Variants in PIH1D1 observed in about 807,000 individuals in gnomAD.
PIH1D1 encodes the protein PIH1 domain containing 1, also known as PIH1 domain-containing protein 1.
In PIH1D1, 28 loss-of-function variants were observed where a neutral mutation model predicts 38.5. The ratio of observed to expected loss-of-function variants is 0.73; its 90% CI spans 0.54 to 1.00. The LOEUF (loss-of-function observed/expected upper bound fraction) is 1.00, where lower values mean the gene tolerates loss of function less well. PIH1D1 is among the 50% of genes least tolerant of loss of function. The pLI, the probability that PIH1D1 is intolerant of heterozygous loss-of-function variation, is 0.00. For synonymous variants in PIH1D1, 155 were observed against 153.5 expected, an observed-to-expected ratio of 1.01 and a Z score of -0.07; for missense variants, 343 against 369.9, an observed-to-expected ratio of 0.93 and a Z score of 0.60.
At chr19:49,447,560 A>G (rs1205835248) in intron 5 of PIH1D1, 93 bp from the exon 6 acceptor site, 2 of 1,490,960 alleles carry the variant, frequency 1.3e-6, no homozygotes, top group Non-Finnish European at 1.8e-6. Flanking sequence ...CCGGCTCACC[A>G]GGACTCTTGG....
chr19:49,450,722 C>A, intron 2 of PIH1D1, 60 bp downstream of exon 2: 1 of 760,718 alleles, frequency 1.3e-6, no homozygotes, highest in Admixed American at 2.9e-5. Context: ...TCTTTCCTTC[C>A]TCCTCTCTCT....
chr19:49,451,031 T>C (rs866131425), intron 1 of PIH1D1, 183 bp from the exon 2 acceptor site: 83,398 of 948,924 alleles, frequency 0.088, 1,858 homozygotes, highest in Non-Finnish European at 0.099. Flanking sequence ...ATTTCTTTTT[T>C]TTTTTTTTTT....
chr19:49,449,007 C>T (rs763788731), intron 3 of PIH1D1: 2 of 318,822 alleles, frequency 6.3e-6, no homozygotes, highest in Non-Finnish European at 1.2e-5. Context: ...GCCAGGCCAA[C>T]GTGGCGAAAC....
chr19:49,447,652 A>T, intron 5 of PIH1D1, 175 bp downstream of exon 5: 1 of 922,138 alleles, frequency 1.1e-6, no homozygotes, highest in Non-Finnish European at 1.7e-6. Context: ...CCCCAATAAA[A>T]CCCACCCCTG....
chr19:49,447,767 G>C, intron 5 of PIH1D1, 60 bp downstream of exon 5: 1 of 1,526,978 alleles, frequency 6.5e-7, no homozygotes, highest in Non-Finnish European at 9.1e-7. Context: ...TCTCCTAGGG[G>C]TGTTCCCCAA....
In PIH1D1 at chr19:49,449,643, T is replaced by C; in HGVS notation, c.169A>G (p.Lys57Glu). 6.2e-7 allele frequency: 1 copy of C among 1,613,746 alleles called. No homozygotes were observed. The highest frequency in any genetic ancestry group is 8.5e-7 in the Non-Finnish European group (1 of 1,179,716). ...QIQPQPGFCI[K>E]TNSSEGKVFI... ...ACCTTCCCTTCCGAGGAGTTGGTCT[T>C]TATGCAGAAACCTGGTGGGAGTGGG... The change falls in exon 3 of 9, where the codon AAG (lysine) becomes GAG (glutamate). Residue 57 changes from lysine (K) to glutamate (E), a missense_variant. Physicochemically the swap from Lys to Glu is moderately conservative, Grantham distance 56. Transcript: ENST00000262265.
At position 49,449,491 on chromosome 19, in the gene PIH1D1, A is replaced by G; in HGVS notation, c.321T>C (p.His107=). 2 of 1,614,204 alleles carry G rather than the reference A, an allele frequency of 1.2e-6. No homozygotes were observed. The highest frequency in any genetic ancestry group is 1.6e-4 in the Middle Eastern group (1 of 6,062). The change falls in exon 3 of 9, where the codon CAT becomes CAC. Residue 107 remains histidine (H), a synonymous_variant. Transcript: ENST00000262265. ...FRIPMSLGEP[H]AELDAKGQGC... ...GGCACTGACTTGCATCCAGTTCTGC[A>G]TGAGGCTCTCCCAGACTCATGGGGA...
Position 49,451,021 on chromosome 19 carries a change from ATTTC to A in PIH1D1, c.91-177_91-174del, listed in dbSNP as rs1369109147. 1.3e-4 allele frequency: 103 copies of A among 808,864 alleles called. No homozygotes were observed. The African/African-American group carries it at 1.8e-3, about 14-fold the overall frequency. The allele number at this position is 808,864 out of a possible 1,614,324, so 50.1% of individuals were successfully genotyped here. ...GAAGAACAACCCCAACCCCATTCCC[ATTTC>A]TTTTTTTTTTTTTTTTTTTTTGGAG... On this transcript the variant is annotated intron_variant, in intron 1 of 8. Coordinates refer to ENST00000262265, the MANE Select transcript of PIH1D1 (RefSeq NM_017916.3).
Position 49,447,340 on chromosome 19 carries a change from T to TGG in PIH1D1, c.608_609insCC (p.Gly204GlnfsTer8). The TGG allele has an allele frequency of 6.2e-7, 1 of 1,613,928 alleles. No homozygotes were observed. The highest frequency in any genetic ancestry group is 8.5e-7 in the Non-Finnish European group (1 of 1,179,950). The stretch of plus-strand genomic sequence containing the variant: ...CCGGGGATCTACCGAAGGCCCACCC[T>TGG]GACTCAGCTCTCCCGGGGGCGGGCG... On this transcript the variant is annotated frameshift_variant, in exon 6 of 9. Coordinates refer to ENST00000262265, the MANE Select transcript of PIH1D1 (RefSeq NM_017916.3). LOFTEE classifies it high-confidence loss of function.
chr19:49,446,341 G>C lies in PIH1D1; in HGVS notation c.*41C>G. The stretch of plus-strand genomic sequence containing the variant: ...ATTTCAACTTTTAGGGAAGCCAGCA[G>C]CCTCTTCTCCACATCTCAGAAGCAC... On this transcript the variant is annotated 3_prime_UTR_variant, in exon 9 of 9. Coordinates refer to ENST00000262265, the MANE Select transcript of PIH1D1 (RefSeq NM_017916.3). 1 of 785,922 alleles carries C rather than the reference G, an allele frequency of 1.3e-6. No homozygotes were observed. Among genetic ancestry groups the C allele is most frequent in the Non-Finnish European group, 2.4e-6 (1 of 422,624 alleles). The allele number at this position is 785,922 out of a possible 1,614,324, so 48.7% of individuals were successfully genotyped here.
At chr19:49,450,962 G>T (rs1408092789) in intron 1 of PIH1D1, 114 bp from the exon 2 acceptor site, 1 of 1,574,890 alleles carries the variant, frequency 6.3e-7, no homozygotes, top group Admixed American at 1.7e-5. Flanking sequence ...CGAGAAATTA[G>T]ACGGTTTAGG....
chr19:49,446,591 T>G lies in PIH1D1; in HGVS notation c.791A>C (p.Asn264Thr), dbSNP rs568738092. ...GAAGGCTGCCTTGCTCTCATGAGAG[T>G]TGATCTGCAGCGGGATATAAGCGTC... ...HLDAYIPLQI[N>T]SHESKAAFHR... The change falls in exon 8 of 9, where the codon AAC becomes ACC. Residue 264 changes from asparagine to threonine, a missense_variant. Coordinates refer to ENST00000262265, the MANE Select transcript of PIH1D1 (RefSeq NM_017916.3). The G allele has an allele frequency of 1.2e-6, 2 of 1,613,360 alleles. No homozygotes were observed. Among genetic ancestry groups the G allele is most frequent in the Admixed American group, 1.7e-5 (1 of 59,914 alleles).
chr19:49,449,484 G>C lies in PIH1D1; in HGVS notation c.328C>G (p.Leu110Val), dbSNP rs149075733. Residue 110 changes from leucine to valine, a missense_variant, in exon 3 of 9, where the codon CTG becomes GTG. Coordinates refer to ENST00000262265, the MANE Select transcript of PIH1D1 (RefSeq NM_017916.3). ...CTCTGAGGGCACTGACTTGCATCCA[G>C]TTCTGCATGAGGCTCTCCCAGACTC... Reference protein sequence around the residue: ...PMSLGEPHAELDAKGQGCTAY... With the variant: ...PMSLGEPHAEVDAKGQGCTAY... 1.2e-6 allele frequency: 2 copies of C among 1,614,160 alleles called. No homozygotes were observed. The highest frequency in any genetic ancestry group is 3.3e-4 in the Middle Eastern group (2 of 6,062).
intron 1 of PIH1D1, 165 bp from the exon 2 acceptor site, chr19:49,451,013 C>T (rs2079055461): frequency 7.8e-7 from 1 of 1,288,108 alleles, no homozygotes; most frequent in Non-Finnish European, 1.0e-6. Context: ...AACCCCAACC[C>T]CATTCCCATT....
At position 49,447,667 on chromosome 19, in the gene PIH1D1, T is replaced by C. The variant is rs549714275; in HGVS notation, c.481+160A>G. On this transcript the variant is annotated intron_variant, in intron 5 of 8. Transcript: ENST00000262265. ...CCCCAATAAAACCCACCCCTGGAGA[T>C]GTTCCTGGCCCCGCCCCCTCAGGGC... The C allele has an allele frequency of 7.5e-6, 7 of 939,338 alleles. No homozygotes were observed. The South Asian group carries it at 1.1e-4, about 14-fold the overall frequency. 58.2% of individuals were successfully genotyped at this position (939,338 alleles called of 1,614,324 possible). A position where few individuals can be genotyped will look rare whatever the true frequency, so the allele number is the denominator to read the frequency against.
chr19:49,447,419 T>C lies in PIH1D1; in HGVS notation c.530A>G (p.Gln177Arg), dbSNP rs762580595. The C allele has an allele frequency of 4.5e-5, 73 of 1,612,672 alleles. No homozygotes were observed. The Admixed American group carries it at 4.8e-4, about 11-fold the overall frequency. ...AGGACGCTGCTCCGAGCGGATGTTC[T>C]GCTGCGAGATGGAGCCCATGAATGG... The part of the protein sequence containing the change: ...NRPFMGSISQ[Q>R]NIRSEQRPRI... Residue 177 changes from glutamine to arginine, a missense_variant, in exon 6 of 9, where the codon CAG becomes CGG. Physicochemically the swap from Gln to Arg is conservative, Grantham distance 43 (BLOSUM62 1). Coordinates refer to ENST00000262265, the MANE Select transcript of PIH1D1 (RefSeq NM_017916.3).
chr19:49,451,804 G>A lies in PIH1D1; in HGVS notation c.-230C>T. On this transcript the variant is annotated 5_prime_UTR_variant, in exon 1 of 9. Transcript: ENST00000262265. ...CGCACTACCCTCCGTCCTACGTGCC[G>A]AACTGTAAACGAAGCCACACTTCCG... is the stretch of plus-strand genomic sequence containing the variant. 1.5e-6 allele frequency: 2 copies of A among 1,305,874 alleles called. No homozygotes were observed. The highest frequency in any genetic ancestry group is 2.0e-6 in the Non-Finnish European group (2 of 1,003,682). The allele number at this position is 1,305,874 out of a possible 1,614,324, so 80.9% of individuals were successfully genotyped here. A position where few individuals can be genotyped will look rare whatever the true frequency, so the allele number is the denominator to read the frequency against.
At chr19:49,449,764 T>C in intron 2 of PIH1D1, 110 bp from the exon 3 acceptor site, 2 of 826,256 alleles carry the variant, frequency 2.4e-6, no homozygotes, top group Non-Finnish European at 1.9e-6. Context: ...CCTTTTTTGT[T>C]CCACTCCCCA....
rs779157154 is a variant in PIH1D1 at position 49,447,297 on chromosome 19, C to T, written c.611+41G>A. On this transcript the variant is annotated intron_variant, in intron 6 of 8. Transcript: ENST00000262265. ...GGATGGAGGGAGGGATTCCCAAGAG[C>T]GTTGAGGAAACATCAGACCGGGGAT... The T allele has an allele frequency of 1.2e-5, 20 of 1,610,384 alleles. No individual in the cohort carries two copies. In the South Asian group the frequency reaches 1.9e-4, roughly 15 times the overall value.
Sources: allele counts gnomAD v4.1 joint callset, GRCh38; gene constraint gnomAD v4.1.1; transcripts MANE v1.5; gene names NCBI Gene and HGNC (gene_info 2026-07-23, HGNC 2026-07-21).